Variants in ARFGEF2 observed in about 807,000 individuals in gnomAD.
The protein encoded by ARFGEF2 is ARF guanine nucleotide exchange factor 2.
ARFGEF2 carries 74 observed loss-of-function variants against 219.9 expected under a neutral mutation model. That is an observed-to-expected ratio of 0.34 (90% CI 0.28 to 0.41). ARFGEF2 has a LOEUF of 0.41. ARFGEF2 is among the 10% of genes least tolerant of loss of function. The pLI is 1.00. For missense variants in ARFGEF2, 1,743 were observed against 2,218.3 expected, an observed-to-expected ratio of 0.79 and a Z score of 4.30; for synonymous variants, 733 against 799.2, an observed-to-expected ratio of 0.92 and a Z score of 1.40.
intron 31 of ARFGEF2, 33 bp from the exon 32 acceptor site, chr20:49,017,216 A>ATGATGCT (rs753491903): frequency 1.2e-6 from 2 of 1,611,118 alleles, no homozygotes; most frequent in Non-Finnish European, 1.7e-6. Context: ...ATAGCAGTAG[A>ATGATGCT]AGTTTAATGA....
chr20:48,952,274 T>C (rs2123353188), intron 4 of ARFGEF2, among the ~76,000 whole-genome samples: 1 of 148,340 alleles, frequency 6.7e-6, no homozygotes, highest in East Asian at 2.1e-4. Flanking sequence ...TTGTTCCTCA[T>C]CCTCCCGAGT....
At chr20:48,948,785 G>A (rs2091046271) in intron 3 of ARFGEF2, among the ~76,000 whole-genome samples, 1 of 152,150 alleles carries the variant, frequency 6.6e-6, no homozygotes, top group Non-Finnish European at 1.5e-5. Flanking sequence ...TGTGTCAGTG[G>A]GCCAGCTGCC....
At chr20:49,027,394 G>A (rs1053565742) in intron 36 of ARFGEF2, among the ~76,000 whole-genome samples, 1 of 152,124 alleles carries the variant, frequency 6.6e-6, no homozygotes, top group Non-Finnish European at 1.5e-5. Context: ...CAGCCAATAA[G>A]CAAAGTCTAA....
chr20:49,023,549 GT>G (rs1248350222), intron 35 of ARFGEF2, among the ~76,000 whole-genome samples: 1 of 98,616 alleles, frequency 1.0e-5, no homozygotes, highest in Non-Finnish European at 2.2e-5. Flanking sequence ...TTTTTTTTTT[GT>G]TTTTTTGAGA....
chr20:49,021,706 G>A (rs905892025), intron 34 of ARFGEF2, among the ~76,000 whole-genome samples: 6 of 151,402 alleles, frequency 4.0e-5, no homozygotes, highest in Admixed American at 1.3e-4. Flanking sequence ...AAAATTAGCC[G>A]GGCATGGTGC....
intron 38 of ARFGEF2, 50 bp from the exon 39 acceptor site, chr20:49,032,973 C>CCA: frequency 7.7e-7 from 1 of 1,300,308 alleles, no homozygotes; most frequent in South Asian, 1.2e-5. Context: ...AACTGGTGCC[C>CCA]AAAAAAAAAA....
At chr20:48,994,349 C>A in intron 21 of ARFGEF2, 102 bp from the exon 22 acceptor site, 2 of 1,407,954 alleles carry the variant, frequency 1.4e-6, no homozygotes, top group Non-Finnish European at 2.0e-6. Flanking sequence ...TATGGCATAA[C>A]TCCATTGAAC....
chr20:49,019,115 C>T, intron 34 of ARFGEF2, 117 bp downstream of exon 34: 1 of 849,636 alleles, frequency 1.2e-6, no homozygotes, highest in East Asian at 2.8e-5. Context: ...CTCAGTCTGC[C>T]AGTTCTCTGT....
In ARFGEF2 at chr20:48,951,443, G is replaced by C. The variant is rs771026485; in HGVS notation, c.397G>C (p.Glu133Gln). ...CSCFQGPQTDEGVQLQIIKAL... is the reference protein window; with the variant it reads ...CSCFQGPQTDQGVQLQIIKAL... ...TTGTTTTCAGGGCCCTCAGACTGATGAAGGGGTTCAGTTACAAATAATTAA... is the reference window on the plus strand; with the variant it reads ...TTGTTTTCAGGGCCCTCAGACTGATCAAGGGGTTCAGTTACAAATAATTAA... Residue 133 changes from glutamate (E) to glutamine (Q), a missense_variant, in exon 4 of 39, where the codon GAA becomes CAA. This residue lies in a region of ARFGEF2 where 394 missense variants were observed against 426.6 expected (regional missense o/e 0.92). Coordinates refer to ENST00000371917, the MANE Select transcript of ARFGEF2 (RefSeq NM_006420.3). 3 of 1,614,228 alleles carry C rather than the reference G, an allele frequency of 1.9e-6. No individual in the cohort carries two copies. The South Asian group carries it at 3.3e-5, about 18-fold the overall frequency.
chr20:48,969,014 G>A (rs1191179099), intron 8 of ARFGEF2, 133 bp from the exon 9 acceptor site: 9 of 802,526 alleles, frequency 1.1e-5, no homozygotes, highest in Non-Finnish European at 1.9e-5. Context: ...AGATTGGAGT[G>A]CAATGGTGCC....
chr20:48,933,771 G>C (rs556854056), intron 1 of ARFGEF2, among the ~76,000 whole-genome samples: 4 of 152,102 alleles, frequency 2.6e-5, no homozygotes, highest in African/African-American at 9.6e-5. Flanking sequence ...TATGGTCTCT[G>C]GAGCATGTGG....
intron 14 of ARFGEF2, among the ~76,000 whole-genome samples, chr20:48,981,390 C>CT (rs2091294890): frequency 6.6e-6 from 1 of 152,286 alleles, no homozygotes; most frequent in Admixed American, 6.5e-5. Context: ...GTAACCCGAC[C>CT]TTTCTCTCTG....
At chr20:48,959,715 TC>T (rs1245316729) in intron 6 of ARFGEF2, among the ~76,000 whole-genome samples, 1 of 150,462 alleles carries the variant, frequency 6.6e-6, no homozygotes, top group Non-Finnish European at 1.5e-5. Context: ...GCTCAAGTGA[TC>T]CTCCTGACTC....
At chr20:48,922,633 G>A (rs2090850294) in intron 1 of ARFGEF2, among the ~76,000 whole-genome samples, 1 of 152,230 alleles carries the variant, frequency 6.6e-6, no homozygotes, top group African/African-American at 2.4e-5. Flanking sequence ...ATTCATTGCT[G>A]TATCCCTTGC....
At chr20:48,962,085 C>T (rs1199039330) in intron 6 of ARFGEF2, among the ~76,000 whole-genome samples, 2 of 152,052 alleles carry the variant, frequency 1.3e-5, no homozygotes, top group African/African-American at 4.8e-5. Context: ...GAGGCTGAGA[C>T]AGGAGAATTG....
chr20:49,017,175 A>T, intron 31 of ARFGEF2, 74 bp from the exon 32 acceptor site: 1 of 1,486,932 alleles, frequency 6.7e-7, no homozygotes, highest in Non-Finnish European at 9.3e-7. Context: ...AACTCACAAT[A>T]TACAGTATTT....
At chr20:48,958,769 C>T (rs1300996119) in intron 6 of ARFGEF2, among the ~76,000 whole-genome samples, 3 of 152,116 alleles carry the variant, frequency 2.0e-5, no homozygotes, top group African/African-American at 7.2e-5. Flanking sequence ...AACACCCTGC[C>T]CAGTCAGCCT....
chr20:48,974,004 G>T (rs1223652341), intron 12 of ARFGEF2, among the ~76,000 whole-genome samples: 1 of 151,638 alleles, frequency 6.6e-6, no homozygotes, highest in Non-Finnish European at 1.5e-5. Context: ...GAATGCATTT[G>T]TGGGTATTTA....
chr20:48,958,526 T>G (rs1425659518), intron 6 of ARFGEF2, among the ~76,000 whole-genome samples: 1 of 150,990 alleles, frequency 6.6e-6, no homozygotes, highest in East Asian at 1.9e-4. Flanking sequence ...AAGCTCCGCC[T>G]CCTGGGTTCA....
Sources: gnomAD v4.1 joint callset for allele counts (sites outside exome capture counted in the v4.1 genomes callset) on GRCh38, gnomAD v4.1.1 for gene constraint, gnomAD v4.1.1 regional missense constraint, MANE v1.5 for transcripts, NCBI Gene and HGNC (gene_info 2026-07-23, HGNC 2026-07-21) for gene names.